Variants in TMTC3 observed in about 807,000 individuals in gnomAD.
The protein encoded by TMTC3 is protein O-mannosyl-transferase TMTC3.
In TMTC3, 52 loss-of-function variants were observed where a neutral mutation model predicts 92.2. That is an observed-to-expected ratio of 0.56 (90% CI 0.45 to 0.71). TMTC3 has a LOEUF of 0.71. Ranked by LOEUF, TMTC3 falls within the 30% of genes least tolerant of loss-of-function variation. TMTC3 has a pLI of 0.00. For missense variants in TMTC3, 896 were observed against 1,057.1 expected, an observed-to-expected ratio of 0.85 and a Z score of 2.11; for synonymous variants, 339 against 363.3, an observed-to-expected ratio of 0.93 and a Z score of 0.76.
chr12:88,172,774 C>G, intron 8 of TMTC3, 29 bp downstream of exon 8: 1 of 1,577,056 alleles, frequency 6.3e-7, no homozygotes, highest in Non-Finnish European at 8.6e-7. Context: ...TCATGTAATG[C>G]TTACTATGGA....
At chr12:88,180,513 G>A (rs2041305691) in intron 10 of TMTC3, among the ~76,000 whole-genome samples, 1 of 152,186 alleles carries the variant, frequency 6.6e-6, no homozygotes, top group African/African-American at 2.4e-5. Flanking sequence ...ACAACAGAAA[G>A]CATAGTAAGG....
chr12:88,160,282 T>C, intron 5 of TMTC3, 53 bp downstream of exon 5: 1 of 1,013,966 alleles, frequency 9.9e-7, no homozygotes, highest in African/African-American at 1.7e-5. Context: ...TTTATCCTAG[T>C]TGAATCAAAT....
At chr12:88,170,320 G>A (rs964037650) in intron 7 of TMTC3, among the ~76,000 whole-genome samples, 1 of 151,894 alleles carries the variant, frequency 6.6e-6, no homozygotes, top group Non-Finnish European at 1.5e-5. Context: ...GCCTTGGGGC[G>A]GCCATGAATT....
At chr12:88,146,205 C>G (rs891505974) in intron 1 of TMTC3, among the ~76,000 whole-genome samples, 1 of 152,130 alleles carries the variant, frequency 6.6e-6, no homozygotes, top group Non-Finnish European at 1.5e-5. Context: ...CAACTGAGCT[C>G]GTAACATGCT....
chr12:88,148,353 T>G lies in TMTC3; in HGVS notation c.38T>G (p.Val13Gly), dbSNP rs774394469. ...NINLKEITLI[V>G]GVVTACYWNS... ...AACCTAAAAGAAATAACCTTAATAGTAGGTGTGGTTACTGCCTGCTATTGG... is the reference window on the plus strand; with the variant it reads ...AACCTAAAAGAAATAACCTTAATAGGAGGTGTGGTTACTGCCTGCTATTGG... The change falls in exon 2 of 14, where the codon GTA becomes GGA. Residue 13 changes from valine (V) to glycine (G), a missense_variant. By Grantham distance (109) the Val-to-Gly change is moderately radical (BLOSUM62 -3). Coordinates refer to ENST00000266712, the MANE Select transcript of TMTC3 (RefSeq NM_181783.4). 14 of 1,613,486 alleles carry G rather than the reference T, an allele frequency of 8.7e-6. No individual in the cohort carries two copies. The highest frequency in any genetic ancestry group is 1.2e-5 in the Non-Finnish European group (14 of 1,179,642).
At chr12:88,164,084 G>T (rs564882114) in intron 6 of TMTC3, among the ~76,000 whole-genome samples, 1 of 151,660 alleles carries the variant, frequency 6.6e-6, no homozygotes, top group East Asian at 1.9e-4. Flanking sequence ...CACCTACTCG[G>T]GAGGCTGAGG....
At chr12:88,145,854 A>G (rs1017432753) in intron 1 of TMTC3, among the ~76,000 whole-genome samples, 2 of 152,114 alleles carry the variant, frequency 1.3e-5, no homozygotes, top group Non-Finnish European at 2.9e-5. Context: ...CTTTCACCCT[A>G]ATTTTTTCTT....
chr12:88,148,385 C>T lies in TMTC3; in HGVS notation c.70C>T (p.Leu24Phe), dbSNP rs1340593895. 6.2e-7 allele frequency: 1 copy of T among 1,613,504 alleles called. No individual in the cohort carries two copies. Among genetic ancestry groups the T allele is most frequent in the Non-Finnish European group, 8.5e-7 (1 of 1,179,700 alleles). ...GVVTACYWNS[L>F]FCGFVFDDVS... ...GGTTACTGCCTGCTATTGGAACAGC[C>T]TCTTTTGTGGTTTTGTTTTTGATGA... Residue 24 changes from leucine (L) to phenylalanine (F), a missense_variant, in exon 2 of 14, where the codon CTC becomes TTC. Leu to Phe is a conservative substitution (Grantham distance 22). Coordinates refer to ENST00000266712, the MANE Select transcript of TMTC3 (RefSeq NM_181783.4).
Position 88,174,591 on chromosome 12 carries a change from T to C in TMTC3, c.1200-16T>C. On this transcript the variant is annotated splice_polypyrimidine_tract_variant and intron_variant, in intron 8 of 13. Coordinates refer to ENST00000266712, the MANE Select transcript of TMTC3 (RefSeq NM_181783.4). ...GAAGACAATTTTTTTTGTTTTGCTT[T>C]TTTTCTCTTAAACAGTGTATTTAAA... 1 of 1,589,232 alleles carries C rather than the reference T, an allele frequency of 6.3e-7. No homozygotes were observed. Among genetic ancestry groups the C allele is most frequent in the African/African-American group, 1.4e-5 (1 of 73,434 alleles).
chr12:88,166,231 A>T, intron 6 of TMTC3, 99 bp from the exon 7 acceptor site: 2 of 1,174,362 alleles, frequency 1.7e-6, no homozygotes, highest in Non-Finnish European at 2.4e-6. Flanking sequence ...GTTTAATAAG[A>T]TGATATATAA....
At position 88,195,107 on chromosome 12, in the gene TMTC3, C is replaced by G. The variant is rs757070278; in HGVS notation, c.2203C>G (p.His735Asp). 4 of 1,613,786 alleles carry G rather than the reference C, an allele frequency of 2.5e-6. No homozygotes were observed. Among genetic ancestry groups the G allele is most frequent in the Non-Finnish European group, 3.4e-6 (4 of 1,179,908 alleles). ...GGAGTTACTCAGATACTACCCTGAT[C>G]ATATCAAGGGCCTCATTTTAAAAGG... ...LEELLRYYPD[H>D]IKGLILKGDI... The change falls in exon 14 of 14, where the codon CAT becomes GAT. Residue 735 changes from histidine (H) to aspartate (D), a missense_variant. By Grantham distance (81) the His-to-Asp change is moderately conservative. Transcript: ENST00000266712.
At chr12:88,153,070 C>G (rs1356324117) in intron 2 of TMTC3, among the ~76,000 whole-genome samples, 1 of 151,986 alleles carries the variant, frequency 6.6e-6, no homozygotes, top group Admixed American at 6.6e-5. Flanking sequence ...CACTGTATAT[C>G]CAGGAGGAAA....
rs368165633 is a variant in TMTC3 at position 88,181,428 on chromosome 12, G to A, written c.1432+5109G>A. ...AATAATTTGTTTAGCTAGTCTTTGG[G>A]TAGGTTGAAATTGTTTAGTTAAGTT... is the stretch of plus-strand genomic sequence containing the variant. On this transcript the variant is annotated intron_variant, in intron 10 of 13. Coordinates refer to ENST00000266712, the MANE Select transcript of TMTC3 (RefSeq NM_181783.4). Among the ~76,000 whole-genome samples the A allele has an allele frequency of 3.3e-5, 5 of 152,204 alleles. No individual in the cohort carries two copies. The East Asian group carries it at 7.8e-4, about 24-fold the overall frequency.
At chr12:88,164,013 G>A (rs1352343141) in intron 6 of TMTC3, among the ~76,000 whole-genome samples, 1 of 151,542 alleles carries the variant, frequency 6.6e-6, no homozygotes, top group African/African-American at 2.4e-5. Flanking sequence ...GCCAACATGG[G>A]GAAACCTCAT....
At chr12:88,184,959 T>G (rs1366368374) in intron 10 of TMTC3, among the ~76,000 whole-genome samples, 3 of 152,174 alleles carry the variant, frequency 2.0e-5, no homozygotes, top group Admixed American at 6.5e-5. Flanking sequence ...TGGTGTAATT[T>G]TAAGTATCAC....
chr12:88,190,591 AG>A lies in TMTC3; in HGVS notation c.1677del (p.Arg559SerfsTer16). On this transcript the variant is annotated frameshift_variant, in exon 12 of 14. Coordinates refer to ENST00000266712, the MANE Select transcript of TMTC3 (RefSeq NM_181783.4). LOFTEE classifies it high-confidence loss of function. ...GCTGTACCGTCAAGCAATAAGCATG[AG>A]GCCCGACTTCAAGCAGGCTTACATT... ...DQLYRQAISM[R>X]PDFKQAYISR... 6.2e-7 allele frequency: 1 copy of A among 1,613,842 alleles called. No homozygotes were observed. The highest frequency in any genetic ancestry group is 8.5e-7 in the Non-Finnish European group (1 of 1,179,802).
chr12:88,162,526 A>G (rs955460067), intron 6 of TMTC3, among the ~76,000 whole-genome samples: 2 of 151,966 alleles, frequency 1.3e-5, no homozygotes, highest in African/African-American at 2.4e-5. Flanking sequence ...TTCTTTTGCT[A>G]TATCAAGTTC....
At position 88,199,315 on chromosome 12, in the gene TMTC3, T is replaced by C. The variant is rs1229152707; in HGVS notation, c.*3666T>C. ...TACCTATATGTCCTCAGTTTCTTCATCTACAAGTTGGGAAAAACATTTTCC... is the reference window on the plus strand; with the variant it reads ...TACCTATATGTCCTCAGTTTCTTCACCTACAAGTTGGGAAAAACATTTTCC... On this transcript the variant is annotated 3_prime_UTR_variant, in exon 14 of 14. Transcript: ENST00000266712. 1 of 152,096 alleles carries C rather than the reference T, an allele frequency of 6.6e-6. No individual in the cohort carries two copies. The highest frequency in any genetic ancestry group is 3.4e-3 in the Middle Eastern group (1 of 290). The allele number at this position is 152,096 out of a possible 1,614,324, so 9.4% of individuals were successfully genotyped here. A position where few individuals can be genotyped will look rare whatever the true frequency, so the allele number is the denominator to read the frequency against.
chr12:88,150,365 A>C (rs1456928388), intron 2 of TMTC3, among the ~76,000 whole-genome samples: 2 of 152,100 alleles, frequency 1.3e-5, no homozygotes, highest in Non-Finnish European at 2.9e-5. Flanking sequence ...CTAATAATCC[A>C]ATCATTTCCC....
Sources: allele counts gnomAD v4.1 joint callset (sites outside exome capture counted in the v4.1 genomes callset), GRCh38; gene constraint gnomAD v4.1.1; transcripts MANE v1.5; gene names NCBI Gene and HGNC (gene_info 2026-07-23, HGNC 2026-07-21).